Variants in ARHGEF39 observed in about 807,000 individuals in gnomAD.
ARHGEF39 encodes Rho guanine nucleotide exchange factor (GEF) 39.
A neutral mutation model predicts 47.5 loss-of-function variants in ARHGEF39; 45 were observed. The observed-to-expected ratio is 0.95, with a 90% CI of 0.75 to 1.22. The LOEUF (loss-of-function observed/expected upper bound fraction) is 1.22, where lower values mean the gene tolerates loss of function less well. ARHGEF39 is among the 50% of genes most tolerant of loss of function. The pLI is 0.00. For synonymous variants in ARHGEF39, 164 were observed against 167.8 expected (o/e 0.98, Z 0.17); for missense variants, 411 against 425.3 (o/e 0.97, Z 0.30).
chr9:35,664,226 TGAGA>T (rs1310124393), intron 3 of ARHGEF39, 100 bp from the exon 4 acceptor site: 33 of 1,509,298 alleles, frequency 2.2e-5, no homozygotes, highest in African/African-American at 4.2e-5. Context: ...GCTGTGCTCC[TGAGA>T]GAAACTCTCG....
rs369065501 is a variant in ARHGEF39 at position 35,662,757 on chromosome 9, G to A, written c.674-16C>T. 2.2e-4 allele frequency: 345 copies of A among 1,546,690 alleles called. 1 individual carries two copies. The Middle Eastern group carries it at 6.4e-3, about 29-fold the overall frequency. ...AACCAGCGCCCTGGGGGATGGGAGCGCTGTTATTCTGGTGCAGCTTCAAGA... is the reference window on the plus strand; with the variant it reads ...AACCAGCGCCCTGGGGGATGGGAGCACTGTTATTCTGGTGCAGCTTCAAGA... On this transcript the variant is annotated splice_polypyrimidine_tract_variant and intron_variant, in intron 6 of 8. Coordinates refer to ENST00000378387, the MANE Select transcript of ARHGEF39 (RefSeq NM_032818.3).
In ARHGEF39 at chr9:35,659,486, T is replaced by G. The variant is rs547766862; in HGVS notation, c.*2501A>C. ...AGTTAGGCATTCCAGTTGACTGAGT[T>G]CACTGTGGGATGTGACAAGCCACTT... On this transcript the variant is annotated 3_prime_UTR_variant, in exon 9 of 9. Transcript: ENST00000378387. 6.6e-6 allele frequency: 1 copy of G among 152,312 alleles called. No individual in the cohort carries two copies. The highest frequency in any genetic ancestry group is 2.4e-5 in the African/African-American group (1 of 41,568). The allele number at this position is 152,312 out of a possible 1,614,324, so 9.4% of individuals were successfully genotyped here. A position where few individuals can be genotyped will look rare whatever the true frequency, so the allele number is the denominator to read the frequency against.
chr9:35,664,450 C>T lies in ARHGEF39; in HGVS notation c.276G>A (p.Gly92=), dbSNP rs1433425103. The T allele has an allele frequency of 1.2e-6, 2 of 1,608,896 alleles. No individual in the cohort carries two copies. Among genetic ancestry groups the T allele is most frequent in the Non-Finnish European group, 1.7e-6 (2 of 1,176,634 alleles). The part of the protein sequence containing the change: ...PYLEGGCWGQ[G]LEGFCRHLEL... ...CCAAGTGGCGGCAGAAGCCCTCCAG[C>T]CCTTGGCCCCAGCATCCTCCTTCCA... Residue 92 remains glycine (G), a synonymous_variant, in exon 3 of 9, where the codon GGG becomes GGA. Transcript: ENST00000378387.
chr9:35,660,623 C>T lies in ARHGEF39; in HGVS notation c.*1364G>A, dbSNP rs41312840. On this transcript the variant is annotated 3_prime_UTR_variant, in exon 9 of 9. Transcript: ENST00000378387. ...GAGCAGCACCTGAACAACCTGATGG[C>T]CCAGCTGGACCCCCTTTTTGAGCGG... 9 of 1,614,168 alleles carry T rather than the reference C, an allele frequency of 5.6e-6. No homozygotes were observed. Among genetic ancestry groups the T allele is most frequent in the East Asian group, 2.2e-5 (1 of 44,890 alleles).
chr9:35,661,914 T>C lies in ARHGEF39; in HGVS notation c.*73A>G. The C allele has an allele frequency of 6.5e-7, 1 of 1,528,258 alleles. No individual in the cohort carries two copies. Among genetic ancestry groups the C allele is most frequent in the Non-Finnish European group, 8.9e-7 (1 of 1,118,740 alleles). 94.7% of individuals were successfully genotyped at this position (1,528,258 alleles called of 1,614,324 possible). ...TGAAGGGTTCTGTTTTGTTCAGTAC[T>C]GAAGATTCCTTTGTACTCTTGGCTG... On this transcript the variant is annotated 3_prime_UTR_variant, in exon 9 of 9. Transcript: ENST00000378387.
rs760271171 is a variant in ARHGEF39 at position 35,662,275 on chromosome 9, G to C, written c.904-8C>G. The stretch of plus-strand genomic sequence containing the variant: ...CTCATGAGGGAAGGACAGCTAGAGA[G>C]AGACCACCTCTTAGCGCATGGCTCA... On this transcript the variant is annotated splice_polypyrimidine_tract_variant and splice_region_variant and intron_variant, in intron 7 of 8. Transcript: ENST00000378387. 1.2e-6 allele frequency: 2 copies of C among 1,611,814 alleles called. No homozygotes were observed. Among genetic ancestry groups the C allele is most frequent in the African/African-American group, 1.3e-5 (1 of 75,018 alleles).
chr9:35,661,991 T>TTA lies in ARHGEF39; in HGVS notation c.1003_1004insTA (p.Asn335IlefsTer7). 6.2e-7 allele frequency: 1 copy of TTA among 1,613,886 alleles called. No homozygotes were observed. Among genetic ancestry groups the TTA allele is most frequent in the Non-Finnish European group, 8.5e-7 (1 of 1,179,896 alleles). On this transcript the variant is annotated frameshift_variant, in exon 9 of 9. Transcript: ENST00000378387. LOFTEE classifies it high-confidence loss of function. ...TCTGGAATCTATAAGATTCCTCTAG[T>TTA]TTTTCTGGCTGCTGTGGAGAGAAGA...
Position 35,660,344 on chromosome 9 carries a change from A to C in ARHGEF39, c.*1643T>G. On this transcript the variant is annotated 3_prime_UTR_variant, in exon 9 of 9. Transcript: ENST00000378387. ...CTCTCTTGGCTGGCTCTGGAGACTGAGGTGATGGAGCAGAACCTTGTTGCT... is the reference window on the plus strand; with the variant it reads ...CTCTCTTGGCTGGCTCTGGAGACTGCGGTGATGGAGCAGAACCTTGTTGCT... The C allele has an allele frequency of 6.9e-7, 1 of 1,451,562 alleles. No homozygotes were observed. Among genetic ancestry groups the C allele is most frequent in the Non-Finnish European group, 9.3e-7 (1 of 1,071,834 alleles). 89.9% of individuals were successfully genotyped at this position (1,451,562 alleles called of 1,614,324 possible).
At position 35,661,933 on chromosome 9, in the gene ARHGEF39, T is replaced by C. The variant is rs1171180959; in HGVS notation, c.*54A>G. On this transcript the variant is annotated 3_prime_UTR_variant, in exon 9 of 9. Transcript: ENST00000378387. Reference sequence around the variant, plus strand: ...CAGTACTGAAGATTCCTTTGTACTCTTGGCTGTGACCTATCCCTGAGGTAT... The same window carrying C: ...CAGTACTGAAGATTCCTTTGTACTCCTGGCTGTGACCTATCCCTGAGGTAT... 1.3e-6 allele frequency: 2 copies of C among 1,583,068 alleles called. No homozygotes were observed. Among genetic ancestry groups the C allele is most frequent in the Non-Finnish European group, 1.7e-6 (2 of 1,161,058 alleles).
In ARHGEF39 at chr9:35,660,191, G is replaced by A. The variant is rs929517278; in HGVS notation, c.*1796C>T. On this transcript the variant is annotated 3_prime_UTR_variant, in exon 9 of 9. Coordinates refer to ENST00000378387, the MANE Select transcript of ARHGEF39 (RefSeq NM_032818.3). ...GAGGGAGTTGCTCATTCCTGGAGGT[G>A]TTTCAGCAAACTGACCATGTGTGGG... The A allele has an allele frequency of 9.9e-6, 5 of 506,806 alleles. No homozygotes were observed. Among genetic ancestry groups the A allele is most frequent in the African/African-American group, 9.8e-5 (5 of 51,274 alleles). The allele number at this position is 506,806 out of a possible 1,614,324, so 31.4% of individuals were successfully genotyped here. A position where few individuals can be genotyped will look rare whatever the true frequency, so the allele number is the denominator to read the frequency against.
In ARHGEF39 at chr9:35,660,823, G is replaced by C. The variant is rs767373279; in HGVS notation, c.*1164C>G. The C allele has an allele frequency of 1.2e-6, 2 of 1,614,204 alleles. No homozygotes were observed. Among genetic ancestry groups the C allele is most frequent in the Non-Finnish European group, 1.7e-6 (2 of 1,180,044 alleles). ...ACCATCCACGAGCTGCTGCAAGATA[G>C]CAAGCCGGACAAGGATATGGAGGCT... On this transcript the variant is annotated 3_prime_UTR_variant, in exon 9 of 9. Transcript: ENST00000378387.
At position 35,661,905 on chromosome 9, in the gene ARHGEF39, G is replaced by T; in HGVS notation, c.*82C>A. 6.8e-7 allele frequency: 1 copy of T among 1,472,698 alleles called. No homozygotes were observed. The highest frequency in any genetic ancestry group is 9.3e-7 in the Non-Finnish European group (1 of 1,076,366). The allele number at this position is 1,472,698 out of a possible 1,614,324, so 91.2% of individuals were successfully genotyped here. A position where few individuals can be genotyped will look rare whatever the true frequency, so the allele number is the denominator to read the frequency against. ...GTCAAATCATGAAGGGTTCTGTTTT[G>T]TTCAGTACTGAAGATTCCTTTGTAC... On this transcript the variant is annotated 3_prime_UTR_variant, in exon 9 of 9. Transcript: ENST00000378387.
Position 35,665,040 on chromosome 9 carries a change from C to A in ARHGEF39, c.130G>T (p.Val44Leu). Residue 44 changes from valine to leucine, a missense_variant, in exon 1 of 9, where the codon GTG (valine) becomes TTG (leucine). Val to Leu is a conservative substitution (Grantham distance 32, BLOSUM62 1). Coordinates refer to ENST00000378387, the MANE Select transcript of ARHGEF39 (RefSeq NM_032818.3). ...ERRYQEQLGLVATYFLGILKA... is the reference protein window; with the variant it reads ...ERRYQEQLGLLATYFLGILKA... ...TGTGCCAGGTCCCCCACCGTGGCCA[C>A]CAGCCCCAGCTGTTCTTGGTAGCGC... 1 of 1,560,428 alleles carries A rather than the reference C, an allele frequency of 6.4e-7. No individual in the cohort carries two copies.
Position 35,664,958 on chromosome 9 carries a change from T to C in ARHGEF39, c.138+74A>G, listed in dbSNP as rs571498269. On this transcript the variant is annotated intron_variant, in intron 1 of 8. Transcript: ENST00000378387. ...CCCAGGCTCCCTACATGCTCCGGGT[T>C]ACCGACCTCGCAGAGACCCTCCCAC... The C allele has an allele frequency of 9.8e-4, 1,478 of 1,511,146 alleles. 4 individuals carry two copies. Among genetic ancestry groups the C allele is most frequent in the South Asian group, 1.8e-3 (144 of 79,386 alleles). The allele number at this position is 1,511,146 out of a possible 1,614,324, so 93.6% of individuals were successfully genotyped here.
chr9:35,664,476 G>T lies in ARHGEF39; in HGVS notation c.250C>A (p.Leu84Met). 6.2e-7 allele frequency: 1 copy of T among 1,608,666 alleles called. No homozygotes were observed. The highest frequency in any genetic ancestry group is 8.5e-7 in the Non-Finnish European group (1 of 1,177,976). ...YGASQELLPY[L>M]EGGCWGQGLE... ...CCTTGGCCCCAGCATCCTCCTTCCAGGTAGGGAAGCAGCTCCCTGTGTGGG... is the reference window on the plus strand; with the variant it reads ...CCTTGGCCCCAGCATCCTCCTTCCATGTAGGGAAGCAGCTCCCTGTGTGGG... The change falls in exon 3 of 9, where the codon CTG (leucine) becomes ATG (methionine). Residue 84 changes from leucine to methionine, a missense_variant. By Grantham distance (15) the Leu-to-Met change is conservative. Transcript: ENST00000378387.
chr9:35,662,214 C>T lies in ARHGEF39; in HGVS notation c.957G>A (p.Leu319=), dbSNP rs1175790019. 6.2e-7 allele frequency: 1 copy of T among 1,614,208 alleles called. No homozygotes were observed. Among genetic ancestry groups the T allele is most frequent in the Non-Finnish European group, 8.5e-7 (1 of 1,180,040 alleles). ...AAGTCAGACTGTGGTACCAGCGTGA[C>T]AGCTCCTCCTGGTCTGTGGACATAA... The part of the protein sequence containing the change: ...LLLMSTDQEE[L]SRWYHSLTWA... Residue 319 remains leucine (L), a synonymous_variant, in exon 8 of 9, where the codon CTG becomes CTA. Coordinates refer to ENST00000378387, the MANE Select transcript of ARHGEF39 (RefSeq NM_032818.3).
rs570785403 is a variant in ARHGEF39, at chr9:35,661,614, A to C, written c.*373T>G. ...CCTCATCTGTGTTAGGGGCTGGTTC[A>C]TTTGAGGTTTAGTTGGGTTGGACTT... On this transcript the variant is annotated 3_prime_UTR_variant, in exon 9 of 9. Transcript: ENST00000378387. The C allele has an allele frequency of 4.7e-5, 20 of 426,276 alleles. No homozygotes were observed. Among genetic ancestry groups the C allele is most frequent in the Admixed American group, 4.3e-4 (11 of 25,830 alleles). The allele number at this position is 426,276 out of a possible 1,614,324, so 26.4% of individuals were successfully genotyped here.
chr9:35,662,531 G>A lies in ARHGEF39; in HGVS notation c.884C>T (p.Pro295Leu). Residue 295 changes from proline (P) to leucine (L), a missense_variant, in exon 7 of 9, where the codon CCT (proline) becomes CTT (leucine). Transcript: ENST00000378387. ...ACTTACACTGAGCAACCCACCACAA[G>A]GGCCTCCTGAGTGGCCAAAGACCCT... ...LSRVFGHSGG[P>L]CGGLLSLSFP... 1 of 1,613,766 alleles carries A rather than the reference G, an allele frequency of 6.2e-7. No homozygotes were observed. The highest frequency in any genetic ancestry group is 8.5e-7 in the Non-Finnish European group (1 of 1,179,800).
chr9:35,661,111 A>G lies in ARHGEF39; in HGVS notation c.*876T>C. 1 of 1,614,088 alleles carries G rather than the reference A, an allele frequency of 6.2e-7. No homozygotes were observed. The highest frequency in any genetic ancestry group is 1.3e-5 in the African/African-American group (1 of 75,054). On this transcript the variant is annotated 3_prime_UTR_variant, in exon 9 of 9. Transcript: ENST00000378387. ...AGAAGGTGCAGCCAGGCTGTGGCAA[A>G]GGGCCCCAGTCACAGCCTTGGCTGG... is the stretch of plus-strand genomic sequence containing the variant.
Sources: gnomAD v4.1 joint callset for allele counts on GRCh38, gnomAD v4.1.1 for gene constraint, MANE v1.5 for transcripts, NCBI Gene and HGNC (gene_info 2026-07-23, HGNC 2026-07-21) for gene names.